ABCA4: variants seen among roughly 807,000 people sequenced by gnomAD.
ABCA4 encodes the protein retinal-specific phospholipid-transporting ATPase ABCA4.
A neutral mutation model predicts 263.7 loss-of-function variants in ABCA4; 196 were observed. The ratio of observed to expected loss-of-function variants is 0.74; its 90% CI spans 0.66 to 0.84. The LOEUF is 0.84. Ranked by LOEUF, ABCA4 falls within the 40% of genes least tolerant of loss-of-function variation. The pLI, the probability that ABCA4 is intolerant of heterozygous loss-of-function variation, is 0.00. For missense variants in ABCA4, 2,792 were observed against 2,855.1 expected (o/e 0.98, Z 0.50); for synonymous variants, 1,133 against 1,094.2 (o/e 1.04, Z -0.70).
At chr1:94,032,529 G>A (rs1308614027) in intron 26 of ABCA4, among the ~76,000 whole-genome samples, 6 of 152,070 alleles carry the variant, frequency 3.9e-5, no homozygotes, top group African/African-American at 1.4e-4. Flanking sequence ...CCAACTACTC[G>A]GGAGGCTGAG....
rs1557803559 is a variant in ABCA4 at position 94,098,825 on chromosome 1, G to T, written c.737C>A (p.Ala246Asp). 1 of 1,614,164 alleles carries T rather than the reference G, an allele frequency of 6.2e-7. No homozygotes were observed. The change falls in exon 6 of 50, where the codon GCC (alanine) becomes GAC (aspartate). Residue 246 changes from alanine (A) to aspartate (D), a missense_variant. Coordinates refer to ENST00000370225, the MANE Select transcript of ABCA4 (RefSeq NM_000350.3). The part of the protein sequence containing the change: ...TLQWIEDTLY[A>D]NVDFFKLFRV... ...GAAGAGCTTGAAGAAGTCCACGTTG[G>T]CATACAGAGTGTCTTCTATCCACTG...
intron 22 of ABCA4, among the ~76,000 whole-genome samples, chr1:94,041,812 C>G (rs1660494091): frequency 6.6e-6 from 1 of 152,114 alleles, no homozygotes; most frequent in Non-Finnish European, 1.5e-5. Flanking sequence ...CAGAAAACAG[C>G]AGGCCGGGCA....
Position 93,993,214 on chromosome 1 carries a change from G to GC in ABCA4, c.*22dup. Reference sequence around the variant, plus strand: ...AGCTGCCCAGAGTTCCTTTCTGGCTGCAGGAACGAGCGGTGTGAAAGATCA... The same window carrying GC: ...AGCTGCCCAGAGTTCCTTTCTGGCTGCCAGGAACGAGCGGTGTGAAAGATCA... On this transcript the variant is annotated 3_prime_UTR_variant, in exon 50 of 50. Transcript: ENST00000370225. 6.2e-7 allele frequency: 1 copy of GC among 1,613,866 alleles called. No homozygotes were observed. Among genetic ancestry groups the GC allele is most frequent in the Non-Finnish European group, 8.5e-7 (1 of 1,179,838 alleles).
At chr1:93,999,626 T>G (rs1307189503) in intron 47 of ABCA4, among the ~76,000 whole-genome samples, 1 of 152,196 alleles carries the variant, frequency 6.6e-6, no homozygotes, top group Non-Finnish European at 1.5e-5. Flanking sequence ...CAGTACCCTA[T>G]GCCCTGGTAT....
chr1:94,110,458 C>T (rs1332986938), intron 3 of ABCA4, among the ~76,000 whole-genome samples: 2 of 152,214 alleles, frequency 1.3e-5, no homozygotes, highest in Admixed American at 6.5e-5. Context: ...ACTAAAGTAA[C>T]CAGGTATCTC....
At chr1:94,111,607 G>A (rs376365197) in intron 2 of ABCA4, 28 bp from the exon 3 acceptor site, 28 of 1,613,692 alleles carry the variant, frequency 1.7e-5, no homozygotes, top group South Asian at 3.3e-5. Flanking sequence ...AGGACAAGAC[G>A]GGATTAGTCA....
In ABCA4 at chr1:94,050,276, A is replaced by G. The variant is rs1335648429; in HGVS notation, c.2654-1319T>C. 2.0e-5 allele frequency among the ~76,000 whole-genome samples: 3 copies of G among 151,974 alleles called. No individual in the cohort carries two copies. The East Asian group carries it at 5.8e-4, about 29-fold the overall frequency. On this transcript the variant is annotated intron_variant, in intron 17 of 49. Coordinates refer to ENST00000370225, the MANE Select transcript of ABCA4 (RefSeq NM_000350.3). ...AATAGCAAGAGGAAACATCCTCCTG[A>G]AGAGTTTAATCACTGGAATGAGTTC... is the stretch of plus-strand genomic sequence containing the variant.
chr1:94,120,886 T>TTCCCCCCCC, intron 1 of ABCA4, 94 bp downstream of exon 1: 3 of 155,290 alleles, frequency 1.9e-5, no homozygotes, highest in South Asian at 8.9e-5. Flanking sequence ...CCCCCCACCC[T>TTCCCCCCCC]GCCCCACCAC....
chr1:94,021,935 T>A lies in ABCA4; in HGVS notation c.4684A>T (p.Ile1562Phe). ...VNEQRYGGIS[I>F]GGKLPVVPIT... ...GGGACGACTGGGAGCTTTCCTCCAA[T>A]GGAAATTCCTCCATACCTGACAAGG... Residue 1562 changes from isoleucine to phenylalanine, a missense_variant, in exon 33 of 50, where the codon ATT becomes TTT. Transcript: ENST00000370225. 13 of 1,614,158 alleles carry A rather than the reference T, an allele frequency of 8.1e-6. No homozygotes were observed. Among genetic ancestry groups the A allele is most frequent in the Non-Finnish European group, 1.1e-5 (13 of 1,180,032 alleles).
At position 94,068,641 on chromosome 1, in the gene ABCA4, G is replaced by C. The variant is rs1442258164; in HGVS notation, c.1555-5324C>G. 2.6e-5 allele frequency among the ~76,000 whole-genome samples: 4 copies of C among 152,306 alleles called. No homozygotes were observed. The East Asian group carries it at 7.7e-4, about 29-fold the overall frequency. Reference sequence around the variant, plus strand: ...GTTAGAATATAGTAGGTTCTATGAGGCTACGGCCATGGAGTCTATGTGTAA... The same window carrying C: ...GTTAGAATATAGTAGGTTCTATGAGCCTACGGCCATGGAGTCTATGTGTAA... On this transcript the variant is annotated intron_variant, in intron 11 of 49. Transcript: ENST00000370225.
chr1:94,040,930 A>T (rs1233458130), intron 23 of ABCA4, among the ~76,000 whole-genome samples: 1 of 152,194 alleles, frequency 6.6e-6, no homozygotes, highest in Non-Finnish European at 1.5e-5. Context: ...AGAATAAGAC[A>T]CTCACTTCTA....
intron 1 of ABCA4, among the ~76,000 whole-genome samples, chr1:94,116,932 CT>C (rs1276109234): frequency 2.0e-5 from 3 of 150,286 alleles, no homozygotes; most frequent in Non-Finnish European, 4.4e-5. Flanking sequence ...CTTTTCTTTT[CT>C]TTTCCCCTTC....
At chr1:94,075,824 A>G (rs1275644619) in intron 11 of ABCA4, among the ~76,000 whole-genome samples, 1 of 152,190 alleles carries the variant, frequency 6.6e-6, no homozygotes, top group Non-Finnish European at 1.5e-5. Flanking sequence ...AAAATGACTG[A>G]CATGTGCTCC....
At chr1:94,019,450 C>A in intron 36 of ABCA4, 132 bp downstream of exon 36, 1 of 1,012,770 alleles carries the variant, frequency 9.9e-7, no homozygotes, top group Non-Finnish European at 1.4e-6. Context: ...TACACAAGGC[C>A]CTTGGCCCAG....
Position 94,034,284 on chromosome 1 carries a change from G to C in ABCA4, c.3863-2241C>G, listed in dbSNP as rs575962779. 2.2e-4 allele frequency among the ~76,000 whole-genome samples: 33 copies of C among 152,304 alleles called. No homozygotes were observed. The South Asian group carries it at 4.0e-3, about 18-fold the overall frequency. ...CTTAGGGAGCTGCCTTTACTCATTA[G>C]AAGCAGGGAGCCCTTTTCTTCTTCT... On this transcript the variant is annotated intron_variant, in intron 26 of 49. Coordinates refer to ENST00000370225, the MANE Select transcript of ABCA4 (RefSeq NM_000350.3).
At chr1:94,116,629 C>T (rs940698922) in intron 1 of ABCA4, among the ~76,000 whole-genome samples, 39 of 152,310 alleles carry the variant, frequency 2.6e-4, no homozygotes, top group African/African-American at 8.9e-4. Flanking sequence ...CCATTCTTTT[C>T]CTAGCCTGAC....
At chr1:94,109,960 C>T (rs1662558200) in intron 3 of ABCA4, among the ~76,000 whole-genome samples, 3 of 152,162 alleles carry the variant, frequency 2.0e-5, no homozygotes, top group Admixed American at 2.0e-4. Flanking sequence ...CAACTCCCAC[C>T]CCTCAGTTTT....
At chr1:94,027,101 C>T (rs533732565) in intron 30 of ABCA4, among the ~76,000 whole-genome samples, 4 of 152,088 alleles carry the variant, frequency 2.6e-5, no homozygotes, top group Non-Finnish European at 4.4e-5. Context: ...AGAGACAGAG[C>T]GCGCACAGCT....
intron 6 of ABCA4, among the ~76,000 whole-genome samples, chr1:94,089,530 C>T (rs146855118): frequency 6.0e-5 from 9 of 150,982 alleles, no homozygotes; most frequent in Admixed American, 2.0e-4. Context: ...TGCAGTGGCA[C>T]GATCTCTGCT....
Sources: allele counts gnomAD v4.1 joint callset (sites outside exome capture counted in the v4.1 genomes callset), GRCh38; gene constraint gnomAD v4.1.1; transcripts MANE v1.5; gene names NCBI Gene and HGNC (gene_info 2026-07-23, HGNC 2026-07-21).